Variants in KCNU1 observed in about 807,000 individuals in gnomAD.
KCNU1 encodes the protein potassium calcium-activated channel subfamily U member 1, also known as potassium channel subfamily U member 1.
Under a neutral mutation model 126.8 loss-of-function variants are expected in KCNU1, and 93 were observed. The observed-to-expected ratio is 0.73, with a 90% CI of 0.62 to 0.87. The LOEUF (loss-of-function observed/expected upper bound fraction) is 0.87, where lower values mean the gene tolerates loss of function less well. Among genes scored for constraint, KCNU1 ranks in the 40% least tolerant of loss-of-function variants. The pLI is 0.00. For synonymous variants in KCNU1, 523 were observed against 494.2 expected, an observed-to-expected ratio of 1.06 and a Z score of -0.77; for missense variants, 1,330 against 1,367.1, an observed-to-expected ratio of 0.97 and a Z score of 0.43.
intron 19 of KCNU1, among the ~76,000 whole-genome samples, chr8:36,904,314 C>G (rs1451607486): frequency 1.3e-5 from 2 of 152,164 alleles, no homozygotes; most frequent in Non-Finnish European, 2.9e-5. Context: ...AGAAGAGACC[C>G]TGAGAACTTC....
intron 18 of KCNU1, among the ~76,000 whole-genome samples, chr8:36,852,368 T>C (rs367873558): frequency 5.3e-5 from 8 of 152,288 alleles, no homozygotes; most frequent in African/African-American, 1.7e-4. Context: ...TGCCATCATA[T>C]GAAAACTCAC....
At chr8:36,848,497 A>G (rs986056309) in intron 18 of KCNU1, among the ~76,000 whole-genome samples, 1 of 152,198 alleles carries the variant, frequency 6.6e-6, no homozygotes, top group African/African-American at 2.4e-5. Context: ...ATTCTTCTGC[A>G]TATGGATATC....
chr8:36,933,656 A>G (rs1645405408), intron 26 of KCNU1, among the ~76,000 whole-genome samples: 1 of 152,138 alleles, frequency 6.6e-6, no homozygotes, highest in South Asian at 2.1e-4. Flanking sequence ...AAGAAGAAAC[A>G]GAAAGGAATA....
chr8:36,826,502 G>A (rs1035389969), intron 10 of KCNU1, among the ~76,000 whole-genome samples: 6 of 152,182 alleles, frequency 3.9e-5, no homozygotes, highest in East Asian at 1.9e-4. Flanking sequence ...GAGCCACTGC[G>A]CTAGGCCGTA....
At chr8:36,913,346 G>A (rs1019414598) in intron 22 of KCNU1, among the ~76,000 whole-genome samples, 4 of 151,792 alleles carry the variant, frequency 2.6e-5, no homozygotes, top group African/African-American at 4.8e-5. Context: ...AGAAAAGGAA[G>A]GAATGTCAAA....
chr8:36,866,727 G>C lies in KCNU1; in HGVS notation c.2009+2206G>C, dbSNP rs72634131. Among the ~76,000 whole-genome samples, 1,309 of 152,192 alleles carry C rather than the reference G, an allele frequency of 8.6e-3. 11 individuals are homozygous for C. The highest frequency in any genetic ancestry group is 0.015 in the Admixed American group (232 of 15,270). Reference sequence around the variant, plus strand: ...GAAATCATGTTTCAACTTCCATGCTGTCTAGATGGGTGAACAAGATGGATT... The same window carrying C: ...GAAATCATGTTTCAACTTCCATGCTCTCTAGATGGGTGAACAAGATGGATT... On this transcript the variant is annotated intron_variant, in intron 19 of 26. Coordinates refer to ENST00000399881, the MANE Select transcript of KCNU1 (RefSeq NM_001031836.3).
At chr8:36,874,478 A>T (rs555392932) in intron 19 of KCNU1, among the ~76,000 whole-genome samples, 1 of 152,194 alleles carries the variant, frequency 6.6e-6, no homozygotes, top group African/African-American at 2.4e-5. Context: ...ACCCTCACTC[A>T]AGGATGGTAC....
At chr8:36,822,418 A>G (rs1804163921) in intron 10 of KCNU1, among the ~76,000 whole-genome samples, 1 of 152,106 alleles carries the variant, frequency 6.6e-6, no homozygotes, top group Non-Finnish European at 1.5e-5. Context: ...GACTCTAACA[A>G]AACCACAGGG....
chr8:36,833,600 G>A lies in KCNU1; in HGVS notation c.1153G>A (p.Ala385Thr). The change falls in exon 11 of 27, where the codon GCC becomes ACC. Residue 385 changes from alanine to threonine, a missense_variant. Physicochemically the swap from Ala to Thr is moderately conservative, Grantham distance 58. Around this residue, in one of 3 missense-constraint regions of KCNU1, gnomAD observed 1,054 missense variants for 1,053.9 expected, o/e 1.00. Coordinates refer to ENST00000399881, the MANE Select transcript of KCNU1 (RefSeq NM_001031836.3). ...ELETIFKCYL[A>T]YTTFISGSAM... is the part of the protein sequence containing the mutation. ...TGAAACCATATTTAAATGCTACTTG[G>A]CCTACACAACGTTCATTTCTGGATC... 2 of 1,612,296 alleles carry A rather than the reference G, an allele frequency of 1.2e-6. No homozygotes were observed. The highest frequency in any genetic ancestry group is 1.7e-6 in the Non-Finnish European group (2 of 1,178,788).
At chr8:36,931,753 G>A (rs780753476) in intron 25 of KCNU1, among the ~76,000 whole-genome samples, 1 of 152,046 alleles carries the variant, frequency 6.6e-6, no homozygotes, top group Non-Finnish European at 1.5e-5. Context: ...AAATCAGGCA[G>A]AAGACTTCTG....
intron 18 of KCNU1, among the ~76,000 whole-genome samples, chr8:36,848,889 G>C (rs200991409): frequency 4.6e-5 from 7 of 152,034 alleles, no homozygotes; most frequent in East Asian, 3.9e-4. Flanking sequence ...TGTGGGGGAG[G>C]GGGGTGGAGA....
intron 19 of KCNU1, among the ~76,000 whole-genome samples, chr8:36,899,871 A>C (rs945930423): frequency 6.6e-6 from 1 of 152,126 alleles, no homozygotes; most frequent in African/African-American, 2.4e-5. Context: ...TAGCACAAAC[A>C]AGTATCGCCA....
intron 18 of KCNU1, among the ~76,000 whole-genome samples, chr8:36,862,522 C>T (rs1017334191): frequency 6.6e-6 from 1 of 152,186 alleles, no homozygotes; most frequent in Non-Finnish European, 1.5e-5. Flanking sequence ...CAACACCAAT[C>T]AGAAACATCA....
chr8:36,825,996 G>T (rs746341821), intron 10 of KCNU1, among the ~76,000 whole-genome samples: 1 of 151,744 alleles, frequency 6.6e-6, no homozygotes, highest in Non-Finnish European at 1.5e-5. Flanking sequence ...ATGTGTATAG[G>T]TTTGAATTTC....
intron 2 of KCNU1, chr8:36,795,550 A>T (rs7846589): frequency 0.24 from 36,628 of 152,870 alleles, 5,212 homozygotes; most frequent in African/African-American, 0.38. Flanking sequence ...GTGGAAGGTG[A>T]TGTGGGGGTT....
chr8:36,823,919 C>A (rs1374334954), intron 10 of KCNU1, among the ~76,000 whole-genome samples: 2 of 150,208 alleles, frequency 1.3e-5, no homozygotes, highest in African/African-American at 4.9e-5. Flanking sequence ...TTCACTGCAA[C>A]CTCCGCCTCC....
chr8:36,784,988 A>G (rs2009967), intron 1 of KCNU1, among the ~76,000 whole-genome samples: 41,338 of 152,188 alleles, frequency 0.27, 6,972 homozygotes, highest in African/African-American at 0.45. Flanking sequence ...AGACATCAAC[A>G]TCAACCTTGC....
At chr8:36,800,398 A>T (rs1803259852) in intron 2 of KCNU1, among the ~76,000 whole-genome samples, 1 of 152,208 alleles carries the variant, frequency 6.6e-6, no homozygotes, top group Non-Finnish European at 1.5e-5. Context: ...CTTGGGGAAT[A>T]AGGCTGGGGC....
At chr8:36,919,859 A>T (rs1808276273) in intron 23 of KCNU1, among the ~76,000 whole-genome samples, 1 of 152,214 alleles carries the variant, frequency 6.6e-6, no homozygotes, top group Non-Finnish European at 1.5e-5. Flanking sequence ...AGTCCTGCAA[A>T]CAAAGCAGGG....
Sources: allele counts gnomAD v4.1 joint callset (sites outside exome capture counted in the v4.1 genomes callset), GRCh38; gene constraint gnomAD v4.1.1; regional missense constraint gnomAD v4.1.1; transcripts MANE v1.5; gene names NCBI Gene and HGNC (gene_info 2026-07-23, HGNC 2026-07-21).